MMRN1: variants seen among roughly 807,000 people sequenced by gnomAD.
MMRN1 encodes multimerin-1.
In MMRN1, 94 loss-of-function variants were observed where a neutral mutation model predicts 100.7. That is an observed-to-expected ratio of 0.93 (90% confidence interval 0.79 to 1.11). The LOEUF is 1.11. Ranked by LOEUF, MMRN1 falls within the 50% of genes least tolerant of loss-of-function variation. The pLI is 0.00. For missense variants in MMRN1, 1,606 were observed against 1,439.1 expected (o/e 1.12, Z -1.88); for synonymous variants, 575 against 505.0 (o/e 1.14, Z -1.86).
chr4:89,942,563 A>C (rs1364607904), intron 6 of MMRN1, among the ~76,000 whole-genome samples: 1 of 152,156 alleles, frequency 6.6e-6, no homozygotes, highest in African/African-American at 2.4e-5. Context: ...TGCCAGTTTT[A>C]CTATACATAG....
intron 1 of MMRN1, among the ~76,000 whole-genome samples, chr4:89,899,199 T>C (rs1246548129): frequency 6.6e-6 from 1 of 151,966 alleles, no homozygotes; most frequent in East Asian, 1.9e-4. Context: ...TTTCATCTTG[T>C]AGTTTTTCTT....
chr4:89,891,268 TA>T (rs1721047779), upstream of MMRN1, among the ~76,000 whole-genome samples: 1 of 152,038 alleles, frequency 6.6e-6, no homozygotes, highest in African/African-American at 2.4e-5. Flanking sequence ...TTATTTAGAT[TA>T]CTTTTTTTTT....
At position 89,951,654 on chromosome 4, in the gene MMRN1, C is replaced by A. The variant is rs777822681; in HGVS notation, c.3168C>A (p.Cys1056Ter). 1.9e-6 allele frequency: 3 copies of A among 1,572,292 alleles called. No individual in the cohort carries two copies. Among genetic ancestry groups the A allele is most frequent in the South Asian group, 2.4e-5 (2 of 84,930 alleles). The change falls in exon 7 of 8, where the codon TGC (cysteine) becomes TGA (stop). Residue 1056 changes from cysteine to a stop codon, truncating the protein, a stop_gained. Coordinates refer to ENST00000264790, the MANE Select transcript of MMRN1 (RefSeq NM_007351.3). LOFTEE classifies it high-confidence loss of function. Reference sequence around the variant, plus strand: ...ATCCGTGCCAAAATGGGGGCACGTGCATAAATGGAAGAACTAGCTTTACCT... The same window carrying A: ...ATCCGTGCCAAAATGGGGGCACGTGAATAAATGGAAGAACTAGCTTTACCT... The part of the protein sequence containing the change: ...SRHPCQNGGT[C>*]INGRTSFTCA...
At chr4:89,915,893 T>A (rs1338885025) in intron 3 of MMRN1, among the ~76,000 whole-genome samples, 2 of 151,710 alleles carry the variant, frequency 1.3e-5, no homozygotes, top group South Asian at 2.1e-4. Flanking sequence ...TAGAAATCTG[T>A]CCTGTATGGA....
Position 89,895,220 on chromosome 4 carries a change from G to GCCTC in MMRN1, c.254_257dup (p.Glu87LeufsTer8). 6.2e-7 allele frequency: 1 copy of GCCTC among 1,613,740 alleles called. No individual in the cohort carries two copies. The highest frequency in any genetic ancestry group is 8.5e-7 in the Non-Finnish European group (1 of 1,179,910). ...AAGACAGTCTTCTTAAATCAACACT[G>GCCTC]CCTCCCTCAGAAACAAGTGCACCTG... is the stretch of plus-strand genomic sequence containing the variant. On this transcript the variant is annotated frameshift_variant, in exon 1 of 8. Transcript: ENST00000264790. LOFTEE classifies it high-confidence loss of function.
Position 89,935,068 on chromosome 4 carries a change from T to G in MMRN1, c.1388T>G (p.Ile463Ser). ...GATATAGTGGAACTAAGGAATCACA[T>G]TGTGAATGTAAGGCAAGAAATGACT... Reference protein sequence around the residue: ...LTDIVELRNHIVNVRQEMTLT... With the variant: ...LTDIVELRNHSVNVRQEMTLT... The change falls in exon 6 of 8, where the codon ATT (isoleucine) becomes AGT (serine). Residue 463 changes from isoleucine to serine, a missense_variant. Ile to Ser is a moderately radical substitution (Grantham distance 142, BLOSUM62 -2). Coordinates refer to ENST00000264790, the MANE Select transcript of MMRN1 (RefSeq NM_007351.3). The G allele has an allele frequency of 6.2e-7, 1 of 1,613,650 alleles. No individual in the cohort carries two copies. Among genetic ancestry groups the G allele is most frequent in the South Asian group, 1.1e-5 (1 of 91,038 alleles).
intron 2 of MMRN1, 38 bp downstream of exon 2, chr4:89,909,433 A>G (rs765043944): frequency 1.9e-6 from 3 of 1,602,190 alleles, no homozygotes; most frequent in African/African-American, 1.3e-5. Context: ...CTGTTTTTGC[A>G]CCATAATAAA....
chr4:89,901,464 G>A lies in MMRN1; in HGVS notation c.623+5870G>A, dbSNP rs114632533. ...CAAAAATTAACCATTAAATTCTGCT[G>A]TCATACTTTTTTTCTGCTCATTTTG... On this transcript the variant is annotated intron_variant, in intron 1 of 7. Transcript: ENST00000264790. Among the ~76,000 whole-genome samples, 597 of 152,110 alleles carry A rather than the reference G, an allele frequency of 3.9e-3. 8 individuals carry two copies. The highest frequency in any genetic ancestry group is 0.014 in the African/African-American group (575 of 41,522).
At chr4:89,922,610 C>T (rs1021293694) in intron 3 of MMRN1, among the ~76,000 whole-genome samples, 26 of 152,082 alleles carry the variant, frequency 1.7e-4, no homozygotes, top group Non-Finnish European at 3.4e-4. Context: ...AGTTGATTTG[C>T]TTGAAATGTG....
Position 89,936,154 on chromosome 4 carries a change from A to T in MMRN1, c.2474A>T (p.Gln825Leu), listed in dbSNP as rs770773067. Residue 825 changes from glutamine to leucine, a missense_variant, in exon 6 of 8, where the codon CAA (glutamine) becomes CTA (leucine). Physicochemically the swap from Gln to Leu is moderately radical, Grantham distance 113 (BLOSUM62 -2). Coordinates refer to ENST00000264790, the MANE Select transcript of MMRN1 (RefSeq NM_007351.3). The part of the protein sequence containing the change: ...LNQSNFQKMY[Q>L]MFNETTSQVR... ...CAGTCCAACTTCCAAAAGATGTATCAAATGTTCAATGAAACCACTTCCCAA... is the reference window on the plus strand; with the variant it reads ...CAGTCCAACTTCCAAAAGATGTATCTAATGTTCAATGAAACCACTTCCCAA... 6.2e-7 allele frequency: 1 copy of T among 1,612,580 alleles called. No homozygotes were observed. The highest frequency in any genetic ancestry group is 8.5e-7 in the Non-Finnish European group (1 of 1,179,568).
chr4:89,924,157 A>G (rs1278725925), intron 4 of MMRN1, among the ~76,000 whole-genome samples: 1 of 152,228 alleles, frequency 6.6e-6, no homozygotes, highest in Non-Finnish European at 1.5e-5. Context: ...AGCTACAACT[A>G]CATACATATA....
At chr4:89,924,163 A>G (rs968065614) in intron 4 of MMRN1, among the ~76,000 whole-genome samples, 2 of 152,194 alleles carry the variant, frequency 1.3e-5, no homozygotes, top group African/African-American at 4.8e-5. Flanking sequence ...AACTACATAC[A>G]TATATCTAGC....
At chr4:89,920,094 A>G (rs1271819982) in intron 3 of MMRN1, among the ~76,000 whole-genome samples, 2 of 152,158 alleles carry the variant, frequency 1.3e-5, no homozygotes, top group African/African-American at 2.4e-5. Flanking sequence ...TACATCCTTT[A>G]TCATGTATCC....
intron 5 of MMRN1, among the ~76,000 whole-genome samples, chr4:89,932,528 G>C (rs1257541872): frequency 6.6e-6 from 1 of 152,124 alleles, no homozygotes; most frequent in Non-Finnish European, 1.5e-5. Flanking sequence ...CTCTATGAAG[G>C]CTGTGCCCCT....
intron 1 of MMRN1, among the ~76,000 whole-genome samples, chr4:89,880,531 T>A (rs1578454773): frequency 1.3e-5 from 2 of 152,038 alleles, no homozygotes; most frequent in African/African-American, 4.8e-5. Context: ...AAAAGGTGAG[T>A]CACATAGAAG....
chr4:89,941,324 G>A (rs138022141), intron 6 of MMRN1, among the ~76,000 whole-genome samples: 186 of 152,256 alleles, frequency 1.2e-3, no homozygotes, highest in Middle Eastern at 0.01. Context: ...CAAAAAGTTC[G>A]TAACAGGATC....
chr4:89,893,508 T>G (rs1721101356), upstream of MMRN1, among the ~76,000 whole-genome samples: 1 of 152,082 alleles, frequency 6.6e-6, no homozygotes, highest in Admixed American at 6.6e-5. Context: ...AGATTTCCAA[T>G]TCTCTAATTT....
At chr4:89,888,821 C>T (rs762176187) in intron 1 of MMRN1, among the ~76,000 whole-genome samples, 3 of 151,994 alleles carry the variant, frequency 2.0e-5, no homozygotes, top group African/African-American at 4.8e-5. Flanking sequence ...CTGAAATTCC[C>T]GTTCTGTTCA....
At position 89,935,164 on chromosome 4, in the gene MMRN1, A is replaced by G. The variant is rs1722567078; in HGVS notation, c.1484A>G (p.Glu495Gly). Residue 495 changes from glutamate (E) to glycine (G), a missense_variant, in exon 6 of 8, where the codon GAA becomes GGA. Coordinates refer to ENST00000264790, the MANE Select transcript of MMRN1 (RefSeq NM_007351.3). Reference protein sequence around the residue: ...QTHLEGALEQEHSRSILYYES... With the variant: ...QTHLEGALEQGHSRSILYYES... The stretch of plus-strand genomic sequence containing the variant: ...CATTTAGAAGGTGCTCTAGAACAGG[A>G]ACACTCAAGAAGCATTCTGTATTAT... The G allele has an allele frequency of 6.2e-7, 1 of 1,613,346 alleles. No homozygotes were observed. Among genetic ancestry groups the G allele is most frequent in the Non-Finnish European group, 8.5e-7 (1 of 1,179,648 alleles).
Sources: allele counts gnomAD v4.1 joint callset (sites outside exome capture counted in the v4.1 genomes callset), GRCh38; gene constraint gnomAD v4.1.1; transcripts MANE v1.5; gene names NCBI Gene and HGNC (gene_info 2026-07-23, HGNC 2026-07-21).